EMC2: variants seen among roughly 807,000 people sequenced by gnomAD.
EMC2 encodes the protein ER membrane protein complex subunit 2, also known as TPR repeat protein 35.
In EMC2, 37 loss-of-function variants were observed where a neutral mutation model predicts 51.6. The observed-to-expected ratio is 0.72, with a 90% confidence interval of 0.55 to 0.94. The LOEUF is 0.94. EMC2 is among the 40% of genes least tolerant of loss of function. The probability of loss-of-function intolerance (pLI) is 0.00; values close to 1 mark genes in which losing one functional copy is unlikely to be tolerated. For synonymous variants in EMC2, 131 were observed against 112.4 expected (o/e 1.17, Z -1.04); for missense variants, 359 against 350.9 (o/e 1.02, Z -0.18).
At chr8:108,485,420 A>G (rs1236242115) in intron 10 of EMC2, among the ~76,000 whole-genome samples, 2 of 146,732 alleles carry the variant, frequency 1.4e-5, no homozygotes, top group South Asian at 2.1e-4. Flanking sequence ...ATATATATAT[A>G]AAATATATAC....
intron 7 of EMC2, among the ~76,000 whole-genome samples, chr8:108,471,590 A>G (rs1810857435): frequency 6.6e-6 from 1 of 151,886 alleles, no homozygotes; most frequent in Admixed American, 6.6e-5. Context: ...CGTAGTTTAT[A>G]CTTTCCCTTA....
chr8:108,459,690 C>T (rs1302864549), intron 5 of EMC2, among the ~76,000 whole-genome samples: 1 of 145,344 alleles, frequency 6.9e-6, no homozygotes, highest in Admixed American at 6.9e-5. Context: ...GGTGGGGACA[C>T]AGCCAAGCCA....
Position 108,464,848 on chromosome 8 carries a change from G to A in EMC2, c.364-4978G>A, listed in dbSNP as rs544253157. The stretch of plus-strand genomic sequence containing the variant: ...GTGTAAGACCAATTATCTTGAGAGG[G>A]TATCTTGCTCCAGAAGATGCTTTTA... On this transcript the variant is annotated intron_variant, in intron 5 of 10. Coordinates refer to ENST00000220853, the MANE Select transcript of EMC2 (RefSeq NM_014673.5). Among the ~76,000 whole-genome samples, 12 of 152,274 alleles carry A rather than the reference G, an allele frequency of 7.9e-5. No homozygotes were observed. The South Asian group carries it at 2.5e-3, about 32-fold the overall frequency.
At chr8:108,471,386 A>C (rs891791256) in intron 7 of EMC2, among the ~76,000 whole-genome samples, 1 of 151,912 alleles carries the variant, frequency 6.6e-6, no homozygotes, top group African/African-American at 2.4e-5. Flanking sequence ...ATTTTAAAAC[A>C]TTTCAAATCA....
intron 10 of EMC2, among the ~76,000 whole-genome samples, chr8:108,483,727 T>C (rs1811086795): frequency 6.6e-6 from 1 of 152,080 alleles, no homozygotes; most frequent in South Asian, 2.1e-4. Context: ...TTCTGGTGAG[T>C]TTTCTTATAG....
chr8:108,459,068 A>G (rs1229623792), intron 5 of EMC2, among the ~76,000 whole-genome samples: 1 of 152,326 alleles, frequency 6.6e-6, no homozygotes, highest in African/African-American at 2.4e-5. Context: ...TCTCTTTGCT[A>G]AAACATAACG....
In EMC2 at chr8:108,445,381, C is replaced by G. The variant is rs562886366; in HGVS notation, c.40+1683C>G. On this transcript the variant is annotated intron_variant, in intron 1 of 10. Transcript: ENST00000220853. ...TTCTCCCTCTCACTTTGTGAGCTGC[C>G]TATGCTGGCCTTTGTTGAATACCCT... Among the ~76,000 whole-genome samples, 6 of 152,292 alleles carry G rather than the reference C, an allele frequency of 3.9e-5. No individual in the cohort carries two copies. In the South Asian group the frequency reaches 1.2e-3, roughly 32 times the overall value.
At chr8:108,469,666 G>C (rs896571442) in intron 5 of EMC2, among the ~76,000 whole-genome samples, 160 bp from the exon 6 acceptor site, 1 of 152,184 alleles carries the variant, frequency 6.6e-6, no homozygotes, top group Non-Finnish European at 1.5e-5. Context: ...GAATTCCCCA[G>C]TGGGATGTCA....
At chr8:108,475,984 G>T in intron 8 of EMC2, 21 bp downstream of exon 8, 1 of 1,359,444 alleles carries the variant, frequency 7.4e-7, no homozygotes. Flanking sequence ...TCAGAACAAT[G>T]GCATATAATT....
intron 5 of EMC2, among the ~76,000 whole-genome samples, chr8:108,456,403 G>C (rs769075971): frequency 1.3e-5 from 2 of 148,696 alleles, no homozygotes; most frequent in Admixed American, 6.7e-5. Context: ...GGCTAGTTGA[G>C]ATTTGGAAAG....
intron 1 of EMC2, among the ~76,000 whole-genome samples, chr8:108,445,691 C>T (rs1818862343): frequency 6.6e-6 from 1 of 152,078 alleles, no homozygotes; most frequent in African/African-American, 2.4e-5. Context: ...GAAGCACTTA[C>T]CCAATTGTGT....
chr8:108,455,185 C>G (rs1427927506), intron 4 of EMC2, among the ~76,000 whole-genome samples: 2 of 151,942 alleles, frequency 1.3e-5, no homozygotes. Context: ...TTCTAGTATT[C>G]CATTACATAT....
chr8:108,475,922 A>G lies in EMC2; in HGVS notation c.550A>G (p.Thr184Ala). 6.2e-7 allele frequency: 1 copy of G among 1,601,508 alleles called. No homozygotes were observed. The highest frequency in any genetic ancestry group is 8.5e-7 in the Non-Finnish European group (1 of 1,173,188). Residue 184 changes from threonine to alanine, a missense_variant, in exon 8 of 11, where the codon ACT becomes GCT. Thr to Ala is a moderately conservative substitution (Grantham distance 58, BLOSUM62 0). Transcript: ENST00000220853. ...CTTTTGTTTAGAGGAACTAATGATG[A>G]CTAATCCACACAACCACTTATACTG... ...AAFCLEELMM[T>A]NPHNHLYCQQ...
chr8:108,460,385 C>T (rs571314984), intron 5 of EMC2, among the ~76,000 whole-genome samples: 13 of 152,106 alleles, frequency 8.5e-5, no homozygotes, highest in Non-Finnish European at 1.9e-4. Context: ...AATGGTTCCC[C>T]TCATAGAATA....
At chr8:108,486,158 C>G (rs1292459378) in intron 10 of EMC2, among the ~76,000 whole-genome samples, 4 of 151,738 alleles carry the variant, frequency 2.6e-5, no homozygotes, top group Non-Finnish European at 5.9e-5. Flanking sequence ...CACTGCTACA[C>G]TACATAAATA....
intron 5 of EMC2, among the ~76,000 whole-genome samples, chr8:108,462,078 A>T (rs748728058): frequency 2.0e-5 from 3 of 152,142 alleles, no homozygotes; most frequent in Non-Finnish European, 4.4e-5. Flanking sequence ...AAGTGCTGGG[A>T]TTATAGGCAT....
chr8:108,460,084 T>C (rs962020725), intron 5 of EMC2, among the ~76,000 whole-genome samples: 11 of 152,196 alleles, frequency 7.2e-5, no homozygotes, highest in Non-Finnish European at 1.5e-4. Flanking sequence ...TCAAAGATAC[T>C]CATTTTTCTC....
intron 5 of EMC2, among the ~76,000 whole-genome samples, chr8:108,469,599 G>C (rs969631738): frequency 6.6e-5 from 10 of 152,118 alleles, no homozygotes; most frequent in Non-Finnish European, 1.2e-4. Context: ...TGGATGAAAC[G>C]ATGCATACAT....
At chr8:108,458,789 A>C (rs1819231543) in intron 5 of EMC2, among the ~76,000 whole-genome samples, 1 of 152,204 alleles carries the variant, frequency 6.6e-6, no homozygotes, top group South Asian at 2.1e-4. Context: ...CTGTGGAATT[A>C]ACATTCAGCT....
Sources: allele counts gnomAD v4.1 joint callset (sites outside exome capture counted in the v4.1 genomes callset), GRCh38; gene constraint gnomAD v4.1.1; transcripts MANE v1.5; gene names NCBI Gene and HGNC (gene_info 2026-07-23, HGNC 2026-07-21).